HOOK3: variants seen among roughly 807,000 people sequenced by gnomAD.
HOOK3 encodes the protein protein Hook homolog 3.
A neutral mutation model predicts 116.3 loss-of-function variants in HOOK3; 24 were observed. The observed-to-expected ratio is 0.21, with a 90% CI of 0.15 to 0.29. The LOEUF is 0.29. Among genes scored for constraint, HOOK3 ranks in the 10% least tolerant of loss-of-function variants. HOOK3 has a pLI of 1.00. For missense variants in HOOK3, 632 were observed against 830.2 expected (o/e 0.76, Z 2.93); for synonymous variants, 275 against 283.0 (o/e 0.97, Z 0.28).
chr8:42,917,187 A>G (rs1452853082), intron 2 of HOOK3, among the ~76,000 whole-genome samples: 2 of 152,258 alleles, frequency 1.3e-5, no homozygotes, highest in South Asian at 2.1e-4. Context: ...GAAAAGAAGC[A>G]TATGGCAGAA....
At chr8:42,923,057 T>C (rs775183328) in intron 2 of HOOK3, among the ~76,000 whole-genome samples, 4 of 152,220 alleles carry the variant, frequency 2.6e-5, no homozygotes, top group Non-Finnish European at 5.9e-5. Context: ...ATAATTTGAA[T>C]AGGCTTTTTT....
intron 13 of HOOK3, among the ~76,000 whole-genome samples, 169 bp from the exon 14 acceptor site, chr8:42,982,457 TA>T (rs138160633): frequency 0.03 from 4,617 of 152,006 alleles, 259 homozygotes; most frequent in African/African-American, 0.11. Flanking sequence ...TAAAAATGCT[TA>T]AAATGGTAAA....
At chr8:42,899,487 CT>C (rs1807139411) in intron 1 of HOOK3, among the ~76,000 whole-genome samples, 1 of 152,282 alleles carries the variant, frequency 6.6e-6, no homozygotes, top group African/African-American at 2.4e-5. Flanking sequence ...GGTTTGTTCT[CT>C]TTTAGCTGTC....
chr8:42,981,528 T>C (rs1277008322), intron 13 of HOOK3, among the ~76,000 whole-genome samples: 1 of 152,156 alleles, frequency 6.6e-6, no homozygotes, highest in Non-Finnish European at 1.5e-5. Flanking sequence ...TTTGAAACAG[T>C]GTGAAAGTTC....
intron 1 of HOOK3, 187 bp downstream of exon 1, chr8:42,897,375 T>C: frequency 2.6e-6 from 1 of 387,680 alleles, no homozygotes; most frequent in African/African-American, 2.1e-5. Context: ...GGCGTCGCTG[T>C]TCCGGGCGGA....
chr8:42,979,820 G>T (rs936797418), intron 13 of HOOK3, among the ~76,000 whole-genome samples: 1 of 151,944 alleles, frequency 6.6e-6, no homozygotes, highest in Non-Finnish European at 1.5e-5. Flanking sequence ...TACCAAGGAC[G>T]ACTGAAGGAA....
intron 8 of HOOK3, among the ~76,000 whole-genome samples, chr8:42,964,100 G>A (rs996452173): frequency 6.6e-6 from 1 of 152,168 alleles, no homozygotes; most frequent in East Asian, 1.9e-4. Flanking sequence ...CCAGCTACTC[G>A]GGAGGCTAAG....
chr8:42,911,885 G>A lies in HOOK3; in HGVS notation c.143+5627G>A, dbSNP rs149948667. On this transcript the variant is annotated intron_variant, in intron 2 of 21. Coordinates refer to ENST00000307602, the MANE Select transcript of HOOK3 (RefSeq NM_032410.4). ...GTGTAGTTTGGGGGACATCAAATCCGAGTGGTATTGAAAAATCAAGAGGAA... is the reference window on the plus strand; with the variant it reads ...GTGTAGTTTGGGGGACATCAAATCCAAGTGGTATTGAAAAATCAAGAGGAA... Among the ~76,000 whole-genome samples, 13 of 152,304 alleles carry A rather than the reference G, an allele frequency of 8.5e-5. No individual in the cohort carries two copies. The East Asian group carries it at 9.6e-4, about 11-fold the overall frequency.
Position 43,027,088 on chromosome 8 carries a change from C to T in HOOK3, c.*8590C>T, listed in dbSNP as rs1037581498. On this transcript the variant is annotated 3_prime_UTR_variant, in exon 22 of 22. Coordinates refer to ENST00000307602, the MANE Select transcript of HOOK3 (RefSeq NM_032410.4). ...TGTATTTTTAGTAAAGACAGGGTGT[C>T]GCCATATTGGCTAGGCTGGTTTTGA... 1.1e-5 allele frequency: 2 copies of T among 179,644 alleles called. No individual in the cohort carries two copies. The highest frequency in any genetic ancestry group is 4.7e-5 in the African/African-American group (2 of 42,134). The allele number at this position is 179,644 out of a possible 1,614,324, so 11.1% of individuals were successfully genotyped here. A position where few individuals can be genotyped will look rare whatever the true frequency, so the allele number is the denominator to read the frequency against.
rs117202184 is a variant in HOOK3 at position 42,908,005 on chromosome 8, G to T, written c.143+1747G>T. 2.6e-3 allele frequency among the ~76,000 whole-genome samples: 395 copies of T among 152,106 alleles called. 1 individual carries two copies. Among genetic ancestry groups the T allele is most frequent in the Non-Finnish European group, 4.5e-3 (304 of 67,986 alleles). On this transcript the variant is annotated intron_variant, in intron 2 of 21. Transcript: ENST00000307602. ...TACAAAATCAACCTACAAAAAATCAGTAGTGTTTCTAAGTACTAACAACAA... is the reference window on the plus strand; with the variant it reads ...TACAAAATCAACCTACAAAAAATCATTAGTGTTTCTAAGTACTAACAACAA...
intron 11 of HOOK3, among the ~76,000 whole-genome samples, chr8:42,972,521 C>T (rs1479849348): frequency 6.6e-6 from 1 of 152,094 alleles, no homozygotes; most frequent in Non-Finnish European, 1.5e-5. Flanking sequence ...AAGTGATCTT[C>T]CCACCTCAGC....
intron 15 of HOOK3, among the ~76,000 whole-genome samples, chr8:42,994,943 G>A (rs1809237498): frequency 6.6e-6 from 1 of 152,242 alleles, no homozygotes; most frequent in African/African-American, 2.4e-5. Context: ...AAGATGGATA[G>A]TTGAAATAAT....
rs1201781792 is a variant in HOOK3, at chr8:43,019,089, G to A, written c.*591G>A. 1 of 208,002 alleles carries A rather than the reference G, an allele frequency of 4.8e-6. No homozygotes were observed. Among genetic ancestry groups the A allele is most frequent in the African/African-American group, 2.3e-5 (1 of 44,062 alleles). The allele number at this position is 208,002 out of a possible 1,614,324, so 12.9% of individuals were successfully genotyped here. A position where few individuals can be genotyped will look rare whatever the true frequency, so the allele number is the denominator to read the frequency against. On this transcript the variant is annotated 3_prime_UTR_variant, in exon 22 of 22. Transcript: ENST00000307602. ...TGGAAGAATTATTTGAGGAAAAAAT[G>A]AGTTTTCACATTGTTTTATAGGAAA... is the stretch of plus-strand genomic sequence containing the variant.
chr8:42,990,181 A>G (rs1809130923), intron 15 of HOOK3, among the ~76,000 whole-genome samples: 1 of 151,962 alleles, frequency 6.6e-6, no homozygotes, highest in East Asian at 1.9e-4. Flanking sequence ...TTTTCTGGAG[A>G]GACAGGGTCT....
rs1267692292 is a variant in HOOK3, at chr8:43,023,366, T to A, written c.*4868T>A. On this transcript the variant is annotated 3_prime_UTR_variant, in exon 22 of 22. Coordinates refer to ENST00000307602, the MANE Select transcript of HOOK3 (RefSeq NM_032410.4). ...AATATACATTTTATTGATGAGCCACTTTGCTATCTCTCCTTCCTTCCTCCT... is the reference window on the plus strand; with the variant it reads ...AATATACATTTTATTGATGAGCCACATTGCTATCTCTCCTTCCTTCCTCCT... The A allele has an allele frequency of 1.1e-5, 2 of 178,442 alleles. No homozygotes were observed. Among genetic ancestry groups the A allele is most frequent in the Middle Eastern group, 2.0e-3 (1 of 496 alleles). The allele number at this position is 178,442 out of a possible 1,614,324, so 11.1% of individuals were successfully genotyped here. A position where few individuals can be genotyped will look rare whatever the true frequency, so the allele number is the denominator to read the frequency against.
intron 13 of HOOK3, among the ~76,000 whole-genome samples, chr8:42,976,441 C>T (rs529451498): frequency 2.4e-4 from 36 of 152,230 alleles, no homozygotes; most frequent in African/African-American, 8.2e-4. Context: ...GCCTGGGAGG[C>T]AGAGGCTCCA....
intron 7 of HOOK3, among the ~76,000 whole-genome samples, chr8:42,957,557 A>G (rs1808458155): frequency 6.6e-6 from 1 of 152,166 alleles, no homozygotes; most frequent in African/African-American, 2.4e-5. Context: ...TGTAAAATGA[A>G]ATATACAGTT....
intron 9 of HOOK3, 143 bp from the exon 10 acceptor site, chr8:42,966,330 G>C: frequency 1.3e-6 from 1 of 744,428 alleles, no homozygotes; most frequent in Non-Finnish European, 2.1e-6. Context: ...GTTAGTGCTT[G>C]AGAATGCAGC....
At chr8:43,017,161 A>G (rs561510367) in intron 21 of HOOK3, among the ~76,000 whole-genome samples, 1 of 152,020 alleles carries the variant, frequency 6.6e-6, no homozygotes, top group South Asian at 2.1e-4. Context: ...TTGCCTCTTG[A>G]TTGCTTTTTT....
Sources: allele counts gnomAD v4.1 joint callset (sites outside exome capture counted in the v4.1 genomes callset), GRCh38; gene constraint gnomAD v4.1.1; transcripts MANE v1.5; gene names NCBI Gene and HGNC (gene_info 2026-07-23, HGNC 2026-07-21).